EML6: variants seen among roughly 807,000 people sequenced by gnomAD.
EML6 encodes echinoderm microtubule-associated protein-like 6.
Under a neutral mutation model 240.1 loss-of-function variants are expected in EML6, and 154 were observed. The ratio of observed to expected loss-of-function variants is 0.64; its 90% CI spans 0.56 to 0.73. The LOEUF (loss-of-function observed/expected upper bound fraction) is 0.73, where lower values mean the gene tolerates loss of function less well. Among genes scored for constraint, EML6 ranks in the 30% least tolerant of loss-of-function variants. The pLI is 0.00. For missense variants in EML6, 2,964 were observed against 2,474.6 expected, an observed-to-expected ratio of 1.20 and a Z score of -4.20; for synonymous variants, 1,148 against 899.0, an observed-to-expected ratio of 1.28 and a Z score of -4.95.
chr2:54,928,197 G>A, intron 26 of EML6, 116 bp from the exon 27 acceptor site: 1 of 818,692 alleles, frequency 1.2e-6, no homozygotes. Flanking sequence ...TAGTTGAAAT[G>A]TAGGAAATTG....
chr2:54,789,465 G>T (rs532858957), intron 2 of EML6, among the ~76,000 whole-genome samples: 1 of 125,288 alleles, frequency 8.0e-6, no homozygotes, highest in Non-Finnish European at 1.6e-5. Context: ...AGTGAGCCGA[G>T]ATTACGCCAC....
intron 2 of EML6, among the ~76,000 whole-genome samples, chr2:54,782,956 G>T (rs1031842381): frequency 2.6e-5 from 4 of 152,198 alleles, no homozygotes; most frequent in African/African-American, 4.8e-5. Context: ...TGTGTAAAGG[G>T]TTTAGCTTCC....
At chr2:54,919,824 A>C (rs1674126455) in intron 26 of EML6, among the ~76,000 whole-genome samples, 1 of 152,242 alleles carries the variant, frequency 6.6e-6, no homozygotes, top group Non-Finnish European at 1.5e-5. Context: ...CTCAGACCAG[A>C]GTTCCAGGGA....
At chr2:54,876,238 A>G (rs577738982) in intron 16 of EML6, among the ~76,000 whole-genome samples, 1 of 152,344 alleles carries the variant, frequency 6.6e-6, no homozygotes, top group East Asian at 1.9e-4. Context: ...AGGGAAAGTG[A>G]GAACTGGGAA....
At chr2:54,802,624 C>CTACTACTACTAT (rs1670218725) in intron 2 of EML6, among the ~76,000 whole-genome samples, 2 of 91,994 alleles carry the variant, frequency 2.2e-5, no homozygotes, top group Non-Finnish European at 5.0e-5. Context: ...TCTCATACTA[C>CTACTACTACTAT]TACTACTACT....
chr2:54,801,161 A>G (rs1185399952), intron 2 of EML6, among the ~76,000 whole-genome samples: 1 of 151,990 alleles, frequency 6.6e-6, no homozygotes, highest in African/African-American at 2.4e-5. Flanking sequence ...TCTACTAAAA[A>G]TACAAAAAAT....
At position 54,876,373 on chromosome 2, in the gene EML6, G is replaced by C. The variant is rs1448501137; in HGVS notation, c.2345-3174G>C. 2.0e-5 allele frequency among the ~76,000 whole-genome samples: 3 copies of C among 152,254 alleles called. No individual in the cohort carries two copies. The East Asian group carries it at 5.8e-4, about 29-fold the overall frequency. On this transcript the variant is annotated intron_variant, in intron 16 of 41. Coordinates refer to ENST00000356458, the MANE Select transcript of EML6 (RefSeq NM_001039753.4). ...AGGTATGGCTGTTGAGGCACCTCTG[G>C]GTTTGCACTGCTGCTTCCATTGCTA...
At chr2:54,856,293 C>G (rs1483910075) in intron 11 of EML6, among the ~76,000 whole-genome samples, 1 of 152,184 alleles carries the variant, frequency 6.6e-6, no homozygotes, top group Non-Finnish European at 1.5e-5. Flanking sequence ...AATCCAAGGC[C>G]TTGCTCAATG....
At chr2:54,967,427 G>A (rs1287562079) in intron 39 of EML6, among the ~76,000 whole-genome samples, 1 of 152,178 alleles carries the variant, frequency 6.6e-6, no homozygotes, top group Non-Finnish European at 1.5e-5. Flanking sequence ...ATTCGCTAGG[G>A]GAAGGGAGTG....
chr2:54,743,716 G>A (rs1356172360), intron 2 of EML6, among the ~76,000 whole-genome samples: 1 of 152,086 alleles, frequency 6.6e-6, no homozygotes, highest in Non-Finnish European at 1.5e-5. Context: ...ATACTCTTGT[G>A]CAACTCCCAC....
At chr2:54,804,712 T>C (rs1670374844) in intron 2 of EML6, among the ~76,000 whole-genome samples, 1 of 152,208 alleles carries the variant, frequency 6.6e-6, no homozygotes, top group Non-Finnish European at 1.5e-5. Context: ...ATAATGTAAA[T>C]TTGCCCCTGC....
At chr2:54,935,256 C>G (rs1053835406) in intron 28 of EML6, among the ~76,000 whole-genome samples, 1 of 152,106 alleles carries the variant, frequency 6.6e-6, no homozygotes, top group Non-Finnish European at 1.5e-5. Context: ...TTTGGTGTTC[C>G]TGTCCTGTGA....
chr2:54,888,969 A>G (rs1301107182), intron 17 of EML6, among the ~76,000 whole-genome samples: 1 of 152,236 alleles, frequency 6.6e-6, no homozygotes, highest in African/African-American at 2.4e-5. Context: ...ATCATTTTGC[A>G]TTCCCACCAG....
At chr2:54,778,662 G>T (rs190532181) in intron 2 of EML6, among the ~76,000 whole-genome samples, 1 of 152,198 alleles carries the variant, frequency 6.6e-6, no homozygotes, top group East Asian at 1.9e-4. Context: ...GCCGAGACGG[G>T]CAGGTCACAA....
intron 17 of EML6, chr2:54,882,003 G>A (rs1412327457): frequency 6.6e-6 from 1 of 152,220 alleles, no homozygotes; most frequent in East Asian, 1.9e-4. Flanking sequence ...TGGCTGTGCT[G>A]ACGTGTGCCA....
At chr2:54,798,560 A>T (rs1471412939) in intron 2 of EML6, among the ~76,000 whole-genome samples, 1 of 152,210 alleles carries the variant, frequency 6.6e-6, no homozygotes, top group Non-Finnish European at 1.5e-5. Flanking sequence ...TGCTATTATA[A>T]GTGGCATTAA....
At chr2:54,789,357 CA>C (rs376815796) in intron 2 of EML6, among the ~76,000 whole-genome samples, 2,458 of 150,736 alleles carry the variant, frequency 0.016, 64 homozygotes, top group African/African-American at 0.054. Flanking sequence ...ACTAAAAATA[CA>C]AAAAAATTAG....
chr2:54,966,463 G>A (rs1363046366), intron 38 of EML6, among the ~76,000 whole-genome samples: 1 of 152,206 alleles, frequency 6.6e-6, no homozygotes, highest in Admixed American at 6.5e-5. Context: ...AAAATGGTCT[G>A]TTTCCTTTAG....
intron 28 of EML6, among the ~76,000 whole-genome samples, 199 bp downstream of exon 28, chr2:54,928,950 T>C (rs1469266571): frequency 6.6e-6 from 1 of 152,250 alleles, no homozygotes; most frequent in South Asian, 2.1e-4. Context: ...GGGCGGTTTA[T>C]ACTTTGTGGA....
Sources: gnomAD v4.1 joint callset for allele counts (sites outside exome capture counted in the v4.1 genomes callset) on GRCh38, gnomAD v4.1.1 for gene constraint, MANE v1.5 for transcripts, NCBI Gene and HGNC (gene_info 2026-07-23, HGNC 2026-07-21) for gene names.